Variants in SLC38A8 observed in about 807,000 individuals in gnomAD.
SLC38A8 encodes the protein solute carrier family 38 member 8.
Under a neutral mutation model 46.0 loss-of-function variants are expected in SLC38A8, and 65 were observed. That is an observed-to-expected ratio of 1.41 (90% CI 1.16 to 1.74). The LOEUF (loss-of-function observed/expected upper bound fraction) is 1.74, where lower values mean the gene tolerates loss of function less well. SLC38A8 is among the 40% of genes most tolerant of loss of function. The pLI, the probability that SLC38A8 is intolerant of heterozygous loss-of-function variation, is 0.00. For missense variants in SLC38A8, 998 were observed against 567.9 expected (o/e 1.76, Z -7.70); for synonymous variants, 447 against 243.7 (o/e 1.83, Z -7.77).
chr16:84,031,643 G>A (rs545086536), intron 5 of SLC38A8, among the ~76,000 whole-genome samples: 6 of 152,224 alleles, frequency 3.9e-5, no homozygotes, highest in South Asian at 2.1e-4. Flanking sequence ...GCGGTTCTGC[G>A]TCCCTTGGCC....
At chr16:84,017,762 C>T (rs1048975886) in intron 7 of SLC38A8, among the ~76,000 whole-genome samples, 14 of 152,290 alleles carry the variant, frequency 9.2e-5, no homozygotes, top group East Asian at 5.8e-4. Context: ...ATTCCCTTTG[C>T]GCCAACAGGG....
chr16:84,039,178 G>A (rs942848944), intron 2 of SLC38A8, among the ~76,000 whole-genome samples: 1 of 152,154 alleles, frequency 6.6e-6, no homozygotes, highest in Non-Finnish European at 1.5e-5. Flanking sequence ...AGCCTTTGGA[G>A]GGAGCGAAGC....
chr16:84,012,416 C>A (rs1000540011), intron 10 of SLC38A8, among the ~76,000 whole-genome samples: 1 of 152,256 alleles, frequency 6.6e-6, no homozygotes, highest in African/African-American at 2.4e-5. Flanking sequence ...CTGGTCTCAA[C>A]AGCATTGTAT....
chr16:84,010,449 A>G (rs1255958467), intron 10 of SLC38A8, among the ~76,000 whole-genome samples: 1 of 152,136 alleles, frequency 6.6e-6, no homozygotes, highest in Non-Finnish European at 1.5e-5. Flanking sequence ...ATCAAATAAA[A>G]AGACATGGGG....
intron 3 of SLC38A8, among the ~76,000 whole-genome samples, chr16:84,036,245 G>A (rs1473271049): frequency 1.3e-5 from 2 of 152,256 alleles, no homozygotes; most frequent in Non-Finnish European, 2.9e-5. Context: ...TGAGGAATGA[G>A]TCCAGTGAAA....
intron 5 of SLC38A8, among the ~76,000 whole-genome samples, 178 bp downstream of exon 5, chr16:84,031,689 C>A (rs529790361): frequency 1.5e-4 from 22 of 146,316 alleles, no homozygotes; most frequent in African/African-American, 5.3e-4. Context: ...CAGGTCCCTG[C>A]AGCAGAAGGA....
upstream of SLC38A8, among the ~76,000 whole-genome samples, chr16:84,043,165 G>A (rs557159045): frequency 2.6e-5 from 4 of 152,264 alleles, no homozygotes; most frequent in East Asian, 3.9e-4. Context: ...CCATGCACAC[G>A]AGTCACCTGA....
chr16:84,013,306 C>A (rs2084976139), intron 9 of SLC38A8, among the ~76,000 whole-genome samples: 1 of 152,020 alleles, frequency 6.6e-6, no homozygotes, highest in Non-Finnish European at 1.5e-5. Context: ...TTTCAGGCAA[C>A]CTTGACAACA....
chr16:84,026,256 G>C (rs1407387866), intron 6 of SLC38A8, among the ~76,000 whole-genome samples: 1 of 152,098 alleles, frequency 6.6e-6, no homozygotes, highest in Non-Finnish European at 1.5e-5. Context: ...TTGAGACAGA[G>C]TCTCGCTCCA....
chr16:84,031,831 C>T (rs375402816), intron 5 of SLC38A8, 36 bp downstream of exon 5: 18 of 1,591,748 alleles, frequency 1.1e-5, no homozygotes, highest in African/African-American at 4.0e-5. Flanking sequence ...CGTGCCTCCC[C>T]GCCGAGGCTG....
Position 84,017,256 on chromosome 16 carries a change from T to G in SLC38A8, c.837A>C (p.Glu279Asp). ...AGGACATCAAGACGTCAGCAGAAAC[T>G]TCTGTCCCAAAAGTCAGGAAGCCAT... Reference protein sequence around the residue: ...GVYGFLTFGTEVSADVLMSYP... With the variant: ...GVYGFLTFGTDVSADVLMSYP... The change falls in exon 8 of 11, where the codon GAA becomes GAC. Residue 279 changes from glutamate (E) to aspartate (D), a missense_variant. Transcript: ENST00000299709. 1 of 1,613,994 alleles carries G rather than the reference T, an allele frequency of 6.2e-7. No homozygotes were observed. Among genetic ancestry groups the G allele is most frequent in the Non-Finnish European group, 8.5e-7 (1 of 1,180,012 alleles).
intron 5 of SLC38A8, among the ~76,000 whole-genome samples, chr16:84,030,577 T>TGC (rs1234925923): frequency 1.3e-5 from 2 of 152,094 alleles, no homozygotes; most frequent in African/African-American, 4.8e-5. Flanking sequence ...CAGCCTGAGC[T>TGC]GCTCCCAGGG....
intron 4 of SLC38A8, among the ~76,000 whole-genome samples, chr16:84,032,806 T>C (rs911691272): frequency 6.6e-6 from 1 of 151,912 alleles, no homozygotes; most frequent in Non-Finnish European, 1.5e-5. Flanking sequence ...TTCCTAAGTA[T>C]ACAGACCCTT....
intron 6 of SLC38A8, among the ~76,000 whole-genome samples, chr16:84,025,377 T>A (rs1367353637): frequency 6.6e-6 from 1 of 152,152 alleles, no homozygotes; most frequent in Admixed American, 6.5e-5. Flanking sequence ...TGGCCGGATT[T>A]TCTCCGAGTC....
chr16:84,025,983 G>C (rs1380570917), intron 6 of SLC38A8, among the ~76,000 whole-genome samples: 1 of 152,224 alleles, frequency 6.6e-6, no homozygotes, highest in African/African-American at 2.4e-5. Flanking sequence ...TCAGCCCTGT[G>C]GTCCTAGAGC....
At chr16:84,028,550 G>A (rs1254000919) in intron 6 of SLC38A8, among the ~76,000 whole-genome samples, 5 of 146,898 alleles carry the variant, frequency 3.4e-5, no homozygotes, top group Admixed American at 1.4e-4. Context: ...CAATAAGAAT[G>A]AGACTCCAAC....
chr16:84,013,131 G>C, intron 9 of SLC38A8, 79 bp from the exon 10 acceptor site: 1 of 1,565,190 alleles, frequency 6.4e-7, no homozygotes, highest in Non-Finnish European at 8.7e-7. Flanking sequence ...GAGGTCCTCA[G>C]GGACCCAGGA....
chr16:84,028,877 C>G (rs2085201014), intron 6 of SLC38A8, among the ~76,000 whole-genome samples: 1 of 152,196 alleles, frequency 6.6e-6, no homozygotes. Context: ...AGATCCCTTT[C>G]AAACCCCACC....
chr16:84,034,641 T>A (rs531066662), intron 3 of SLC38A8, among the ~76,000 whole-genome samples: 1 of 152,092 alleles, frequency 6.6e-6, no homozygotes, highest in Non-Finnish European at 1.5e-5. Context: ...TGTGAAAAAA[T>A]GAATGCATGT....
Sources: gnomAD v4.1 joint callset for allele counts (sites outside exome capture counted in the v4.1 genomes callset) on GRCh38, gnomAD v4.1.1 for gene constraint, MANE v1.5 for transcripts, NCBI Gene and HGNC (gene_info 2026-07-23, HGNC 2026-07-21) for gene names.